FAM184A: variants seen among roughly 807,000 people sequenced by gnomAD.
FAM184A encodes family with sequence similarity 184 member A.
In FAM184A, 99 loss-of-function variants were observed where a neutral mutation model predicts 143.8. That is an observed-to-expected ratio of 0.69 (90% CI 0.58 to 0.81). FAM184A has a LOEUF of 0.81. Among genes scored for constraint, FAM184A ranks in the 40% least tolerant of loss-of-function variants. The pLI, the probability that FAM184A is intolerant of heterozygous loss-of-function variation, is 0.00. For synonymous variants in FAM184A, 427 were observed against 446.4 expected, an observed-to-expected ratio of 0.96 and a Z score of 0.55; for missense variants, 1,217 against 1,310.5, an observed-to-expected ratio of 0.93 and a Z score of 1.10.
At chr6:118,985,648 C>T (rs1025084553) in intron 9 of FAM184A, among the ~76,000 whole-genome samples, 3 of 152,188 alleles carry the variant, frequency 2.0e-5, no homozygotes, top group African/African-American at 7.2e-5. Flanking sequence ...CAGTTGGCTG[C>T]CTGGGTTTAT....
chr6:119,021,770 G>A (rs1025231767), intron 3 of FAM184A, among the ~76,000 whole-genome samples: 2 of 152,078 alleles, frequency 1.3e-5, no homozygotes, highest in Admixed American at 6.5e-5. Flanking sequence ...GAGCCCAGGA[G>A]TTTGAGGTCA....
chr6:119,103,377 T>C (rs1374160328), intron 1 of FAM184A, among the ~76,000 whole-genome samples: 1 of 152,214 alleles, frequency 6.6e-6, no homozygotes, highest in East Asian at 1.9e-4. Flanking sequence ...ATTTCTATTA[T>C]TTAAGCCAAT....
chr6:118,966,281 C>T (rs1236004071), intron 15 of FAM184A, among the ~76,000 whole-genome samples: 2 of 152,122 alleles, frequency 1.3e-5, no homozygotes, highest in African/African-American at 4.8e-5. Flanking sequence ...CATTAAGAAC[C>T]CAGTGTTACT....
At chr6:119,085,076 A>G (rs769402972) in intron 1 of FAM184A, among the ~76,000 whole-genome samples, 3 of 152,188 alleles carry the variant, frequency 2.0e-5, no homozygotes, top group Non-Finnish European at 4.4e-5. Context: ...GGCTATCAGC[A>G]TTTGCTTTTC....
intron 1 of FAM184A, among the ~76,000 whole-genome samples, chr6:119,132,427 C>G (rs1325113987): frequency 6.6e-6 from 1 of 152,190 alleles, no homozygotes; most frequent in South Asian, 2.1e-4. Context: ...GTTTGAGGTT[C>G]TGATACAACT....
At position 118,979,345 on chromosome 6, in the gene FAM184A, T is replaced by C. The variant is rs1013167667; in HGVS notation, c.2455+20A>G. 5.7e-6 allele frequency: 9 copies of C among 1,586,590 alleles called. No homozygotes were observed. The highest frequency in any genetic ancestry group is 1.7e-4 in the Middle Eastern group (1 of 5,920). On this transcript the variant is annotated intron_variant, in intron 11 of 17. Coordinates refer to ENST00000338891, the MANE Select transcript of FAM184A (RefSeq NM_024581.6). ...AAATGTACATATGAATATGACAAGA[T>C]TGTAATCTTTTCAAAATACCAAGCA...
chr6:118,974,891 A>G (rs994883321), intron 13 of FAM184A, 133 bp downstream of exon 13: 2 of 646,094 alleles, frequency 3.1e-6, no homozygotes, highest in Non-Finnish European at 5.2e-6. Context: ...GTCATCAAAT[A>G]AAGTAAAAAG....
At position 118,990,245 on chromosome 6, in the gene FAM184A, G is replaced by T. The variant is rs77651935; in HGVS notation, c.2089-9895C>A. Among the ~76,000 whole-genome samples, 775 of 152,302 alleles carry T rather than the reference G, an allele frequency of 5.1e-3. 3 individuals are homozygous for T. Among genetic ancestry groups the T allele is most frequent in the African/African-American group, 0.017 (719 of 41,574 alleles). On this transcript the variant is annotated intron_variant, in intron 9 of 17. Transcript: ENST00000338891. ...TTTAAGGTGTCATCAGACAAAATATGTATGTTATTTAAGATTCCTGAATTA... is the reference window on the plus strand; with the variant it reads ...TTTAAGGTGTCATCAGACAAAATATTTATGTTATTTAAGATTCCTGAATTA...
intron 1 of FAM184A, among the ~76,000 whole-genome samples, chr6:119,058,944 ATTTTAT>A (rs1387324349): frequency 1.3e-5 from 2 of 151,600 alleles, no homozygotes; most frequent in South Asian, 2.1e-4. Context: ...TATAATGGTT[ATTTTAT>A]TTTTATTTTA....
In FAM184A at chr6:118,969,031, T is replaced by C. The variant is rs183714445; in HGVS notation, c.2916-2079A>G. Among the ~76,000 whole-genome samples the C allele has an allele frequency of 6.2e-3, 950 of 152,316 alleles. 9 individuals are homozygous for C. Among genetic ancestry groups the C allele is most frequent in the Non-Finnish European group, 9.4e-3 (641 of 68,010 alleles). ...TGGGAGAAACCTGGTGGGAAGTAAT[T>C]GAATCATGGGGGCAGTTATCCCCAT... is the stretch of plus-strand genomic sequence containing the variant. On this transcript the variant is annotated intron_variant, in intron 14 of 17. Coordinates refer to ENST00000338891, the MANE Select transcript of FAM184A (RefSeq NM_024581.6).
chr6:119,091,434 G>A (rs568054493), intron 1 of FAM184A, among the ~76,000 whole-genome samples: 13 of 152,176 alleles, frequency 8.5e-5, no homozygotes, highest in East Asian at 5.8e-4. Context: ...CAAACTAGCC[G>A]ATCTCTAAAT....
intron 1 of FAM184A, among the ~76,000 whole-genome samples, chr6:119,136,304 A>T (rs2114883482): frequency 6.6e-6 from 1 of 151,714 alleles, no homozygotes; most frequent in Middle Eastern, 3.4e-3. Context: ...AAAAAAAAAA[A>T]AAAGAATATT....
At chr6:119,079,742 A>C (rs1406955912), upstream of FAM184A, among the ~76,000 whole-genome samples, 2 of 152,206 alleles carry the variant, frequency 1.3e-5, no homozygotes, top group Non-Finnish European at 2.9e-5. Context: ...GAATATTAAC[A>C]AACTAGAGAG....
intron 1 of FAM184A, among the ~76,000 whole-genome samples, chr6:119,058,987 T>C (rs1351315419): frequency 6.6e-6 from 1 of 152,028 alleles, no homozygotes; most frequent in African/African-American, 2.4e-5. Context: ...TTATATTTTA[T>C]CTTATTTTGA....
chr6:119,077,132 G>A (rs1158989343), intron 1 of FAM184A, among the ~76,000 whole-genome samples: 1 of 150,860 alleles, frequency 6.6e-6, no homozygotes, highest in Non-Finnish European at 1.5e-5. Flanking sequence ...CCTCTCTTCC[G>A]AATCTCATGT....
chr6:118,984,064 C>T (rs1446581253), intron 9 of FAM184A, among the ~76,000 whole-genome samples: 2 of 148,986 alleles, frequency 1.3e-5, no homozygotes, highest in African/African-American at 4.9e-5. Context: ...GCAGGAGAAT[C>T]ACTTGAACCC....
chr6:119,010,967 C>T (rs1785069618), intron 6 of FAM184A, among the ~76,000 whole-genome samples: 3 of 152,126 alleles, frequency 2.0e-5, no homozygotes, highest in Admixed American at 2.0e-4. Context: ...CTACCATCCT[C>T]AGTTTCTGTT....
At chr6:119,070,879 A>C (rs1179894927) in intron 1 of FAM184A, among the ~76,000 whole-genome samples, 1 of 151,292 alleles carries the variant, frequency 6.6e-6, no homozygotes, top group African/African-American at 2.4e-5. Flanking sequence ...ATAATATTCA[A>C]ATTTATTTGA....
intron 1 of FAM184A, among the ~76,000 whole-genome samples, chr6:119,089,183 T>G (rs1007506798): frequency 6.5e-5 from 9 of 138,092 alleles, no homozygotes; most frequent in Non-Finnish European, 1.2e-4. Context: ...ATTATCTCTC[T>G]CTCTTTATTT....
Sources: gnomAD v4.1 joint callset for allele counts (sites outside exome capture counted in the v4.1 genomes callset) on GRCh38, gnomAD v4.1.1 for gene constraint, MANE v1.5 for transcripts, NCBI Gene and HGNC (gene_info 2026-07-23, HGNC 2026-07-21) for gene names.